FAM118A: variants seen among roughly 807,000 people sequenced by gnomAD.
The protein encoded by FAM118A is protein FAM118A.
Under a neutral mutation model 38.2 loss-of-function variants are expected in FAM118A, and 25 were observed. The ratio of observed to expected loss-of-function variants is 0.65; its 90% CI spans 0.48 to 0.91. FAM118A has a LOEUF of 0.91. Among genes scored for constraint, FAM118A ranks in the 40% least tolerant of loss-of-function variants. FAM118A has a pLI of 0.00. For synonymous variants in FAM118A, 178 were observed against 184.1 expected, an observed-to-expected ratio of 0.97 and a Z score of 0.27; for missense variants, 425 against 463.3, an observed-to-expected ratio of 0.92 and a Z score of 0.76.
At chr22:45,334,289 C>T (rs549288555) in intron 6 of FAM118A, among the ~76,000 whole-genome samples, 79 of 152,232 alleles carry the variant, frequency 5.2e-4, no homozygotes, top group African/African-American at 1.6e-3. Context: ...TGTGCTGGCT[C>T]GTTTAATTGT....
Position 45,316,372 on chromosome 22 carries a change from C to G in FAM118A, c.-9-5999C>G, listed in dbSNP as rs557568508. Among the ~76,000 whole-genome samples the G allele has an allele frequency of 5.9e-5, 9 of 152,272 alleles. No homozygotes were observed. The South Asian group carries it at 1.7e-3, about 28-fold the overall frequency. ...GTGATTTCTGCCGCCACACTCTTCT[C>G]CTCTCCCAAGCCTACGTGGGAACCT... On this transcript the variant is annotated intron_variant, in intron 1 of 8. Transcript: ENST00000441876.
chr22:45,328,696 T>C (rs988196391), intron 4 of FAM118A: 7 of 552,706 alleles, frequency 1.3e-5, no homozygotes, highest in Non-Finnish European at 2.3e-5. Context: ...GGCAGGAGAA[T>C]AGCTGGAACT....
chr22:45,334,080 T>C (rs1371231719), intron 6 of FAM118A, among the ~76,000 whole-genome samples: 1 of 152,270 alleles, frequency 6.6e-6, no homozygotes, highest in East Asian at 1.9e-4. Context: ...ACTTCTTTTT[T>C]CACGTAATGT....
intron 8 of FAM118A, among the ~76,000 whole-genome samples, chr22:45,337,670 C>T (rs910907383): frequency 6.6e-6 from 1 of 152,022 alleles, no homozygotes; most frequent in Non-Finnish European, 1.5e-5. Flanking sequence ...TTCTCCTGGT[C>T]GGCTCCGCTG....
intron 8 of FAM118A, among the ~76,000 whole-genome samples, chr22:45,338,721 C>T (rs534393303): frequency 6.6e-6 from 1 of 152,276 alleles, no homozygotes; most frequent in Admixed American, 6.5e-5. Flanking sequence ...TCTTAAATAC[C>T]TATATAGCAG....
chr22:45,333,999 A>T (rs930177412), intron 6 of FAM118A, among the ~76,000 whole-genome samples: 11 of 152,210 alleles, frequency 7.2e-5, no homozygotes, highest in African/African-American at 2.4e-4. Flanking sequence ...CAGATATCTC[A>T]TATCTGTGTC....
At chr22:45,320,298 T>G (rs2084796794) in intron 1 of FAM118A, among the ~76,000 whole-genome samples, 1 of 152,064 alleles carries the variant, frequency 6.6e-6, no homozygotes, top group South Asian at 2.1e-4. Flanking sequence ...CCCGTCTCTA[T>G]GAAAAATACA....
intron 1 of FAM118A, among the ~76,000 whole-genome samples, chr22:45,316,042 A>G (rs767042660): frequency 2.0e-5 from 3 of 151,994 alleles, no homozygotes; most frequent in Non-Finnish European, 4.4e-5. Context: ...TTGCTCAGTG[A>G]TTTGATTTGA....
chr22:45,328,876 A>G (rs2085504808), intron 4 of FAM118A: 1 of 164,726 alleles, frequency 6.1e-6, no homozygotes, highest in South Asian at 1.5e-4. Flanking sequence ...TCTAGGAAGC[A>G]TAGCAGCATC....
At chr22:45,333,666 T>G (rs1444186177) in intron 6 of FAM118A, among the ~76,000 whole-genome samples, 1 of 128,520 alleles carries the variant, frequency 7.8e-6, no homozygotes, top group African/African-American at 3.5e-5. Context: ...AGAGCAAGAC[T>G]CTGTTTCCAA....
intron 7 of FAM118A, 93 bp from the exon 8 acceptor site, chr22:45,336,235 T>C (rs1483735038): frequency 1.9e-5 from 18 of 923,542 alleles, no homozygotes; most frequent in Non-Finnish European, 2.9e-5. Flanking sequence ...CAGGGTCTGC[T>C]TGGCCAGTGC....
Position 45,319,712 on chromosome 22 carries a change from G to A in FAM118A, c.-9-2659G>A, listed in dbSNP as rs958656035. On this transcript the variant is annotated intron_variant, in intron 1 of 8. Coordinates refer to ENST00000441876, the MANE Select transcript of FAM118A (RefSeq NM_017911.4). Reference sequence around the variant, plus strand: ...TGGTGGAGGGATTATATTATACAGCGGAGAAACTCAACTTCTGTTACTTTC... The same window carrying A: ...TGGTGGAGGGATTATATTATACAGCAGAGAAACTCAACTTCTGTTACTTTC... Among the ~76,000 whole-genome samples, 52 of 152,112 alleles carry A rather than the reference G, an allele frequency of 3.4e-4. 1 individual carries two copies. The highest frequency in any genetic ancestry group is 1.5e-3 in the Admixed American group (23 of 15,282).
chr22:45,335,397 T>C lies in FAM118A; in HGVS notation c.970+15T>C, dbSNP rs1405100588. The C allele has an allele frequency of 6.2e-7, 1 of 1,614,044 alleles. No homozygotes were observed. The highest frequency in any genetic ancestry group is 1.3e-5 in the African/African-American group (1 of 74,936). On this transcript the variant is annotated intron_variant, in intron 7 of 8. Transcript: ENST00000441876. ...CACATTATTGGGTAAAGCAGATCTT[T>C]CTTCTTGCCAGCCTGTTTTTTGCCT... is the stretch of plus-strand genomic sequence containing the variant.
intron 6 of FAM118A, 106 bp from the exon 7 acceptor site, chr22:45,335,244 A>G (rs1385111315): frequency 7.5e-7 from 1 of 1,332,632 alleles, no homozygotes; most frequent in Non-Finnish European, 1.1e-6. Context: ...ACCTGCCCAG[A>G]AGCCTGTTCC....
At chr22:45,310,635 C>G (rs1444930334) in intron 1 of FAM118A, among the ~76,000 whole-genome samples, 1 of 152,180 alleles carries the variant, frequency 6.6e-6, no homozygotes, top group East Asian at 1.9e-4. Flanking sequence ...CTTGAGGTCC[C>G]TGGACCTGCG....
chr22:45,319,465 G>A (rs533799618), intron 1 of FAM118A, among the ~76,000 whole-genome samples: 2 of 152,302 alleles, frequency 1.3e-5, no homozygotes, highest in African/African-American at 4.8e-5. Flanking sequence ...GCAGGAGGCC[G>A]GGAGTGTGCA....
chr22:45,315,147 C>A (rs1456152144), intron 1 of FAM118A, among the ~76,000 whole-genome samples: 2 of 152,156 alleles, frequency 1.3e-5, no homozygotes, highest in Admixed American at 1.3e-4. Flanking sequence ...GAATTAGATT[C>A]TTTTTCTAGT....
chr22:45,335,487 A>C, intron 7 of FAM118A, 105 bp downstream of exon 7: 2 of 1,301,050 alleles, frequency 1.5e-6, no homozygotes, highest in Non-Finnish European at 1.1e-6. Flanking sequence ...ACCTTAAATA[A>C]TTAGCTTGTA....
chr22:45,317,233 T>C (rs965864430), intron 1 of FAM118A, among the ~76,000 whole-genome samples: 1 of 152,060 alleles, frequency 6.6e-6, no homozygotes, highest in Non-Finnish European at 1.5e-5. Context: ...CACAAACTTA[T>C]CCAGGTTTAG....
Sources: gnomAD v4.1 joint callset for allele counts (sites outside exome capture counted in the v4.1 genomes callset) on GRCh38, gnomAD v4.1.1 for gene constraint, MANE v1.5 for transcripts, NCBI Gene and HGNC (gene_info 2026-07-23, HGNC 2026-07-21) for gene names.